TSHZ3: variants seen among roughly 807,000 people sequenced by gnomAD.
The protein encoded by TSHZ3 is teashirt zinc finger homeobox 3.
Under a neutral mutation model 64.5 loss-of-function variants are expected in TSHZ3, and 10 were observed. The ratio of observed to expected loss-of-function variants is 0.16; its 90% CI spans 0.10 to 0.26. The LOEUF (loss-of-function observed/expected upper bound fraction) is 0.26, where lower values mean the gene tolerates loss of function less well. TSHZ3 is among the 10% of genes least tolerant of loss of function. The pLI, the probability that TSHZ3 is intolerant of heterozygous loss-of-function variation, is 1.00. For synonymous variants in TSHZ3, 608 were observed against 593.1 expected (o/e 1.03, Z -0.36); for missense variants, 1,242 against 1,421.7 (o/e 0.87, Z 2.03).
chr19:31,159,341 A>G (rs1010476093), intron 5 of TSHZ3, among the ~76,000 whole-genome samples: 1 of 152,130 alleles, frequency 6.6e-6, no homozygotes, highest in Non-Finnish European at 1.5e-5. Flanking sequence ...ATTACAGATT[A>G]TCTAGATCAC....
intron 4 of TSHZ3, among the ~76,000 whole-genome samples, chr19:31,210,931 C>T (rs538334581): frequency 9.9e-5 from 15 of 151,978 alleles, no homozygotes; most frequent in Admixed American, 2.0e-4. Flanking sequence ...CAGATTTTAG[C>T]AATGTTTAAT....
intron 6 of TSHZ3, among the ~76,000 whole-genome samples, chr19:31,156,220 G>A (rs944834195): frequency 1.3e-5 from 2 of 152,182 alleles, no homozygotes; most frequent in Admixed American, 6.5e-5. Flanking sequence ...ATTCAATGAT[G>A]TATTATGAGT....
At chr19:31,195,064 G>T (rs903805534) in intron 5 of TSHZ3, among the ~76,000 whole-genome samples, 4 of 152,042 alleles carry the variant, frequency 2.6e-5, no homozygotes, top group Non-Finnish European at 5.9e-5. Context: ...AAAAAAATGG[G>T]GGGGAAGCAG....
At chr19:31,200,170 AAAACT>A (rs1430534723) in intron 5 of TSHZ3, among the ~76,000 whole-genome samples, 4 of 152,168 alleles carry the variant, frequency 2.6e-5, no homozygotes, top group Non-Finnish European at 5.9e-5. Context: ...ATTTTCTTAC[AAAACT>A]AAACACACTC....
In TSHZ3 at chr19:31,349,269, T is replaced by G. The variant is rs1468869067; in HGVS notation, c.-50A>C. 1.3e-6 allele frequency: 2 copies of G among 1,486,996 alleles called. No individual in the cohort carries two copies. The highest frequency in any genetic ancestry group is 1.7e-5 in the African/African-American group (1 of 57,910). The allele number at this position is 1,486,996 out of a possible 1,614,324, so 92.1% of individuals were successfully genotyped here. A position where few individuals can be genotyped will look rare whatever the true frequency, so the allele number is the denominator to read the frequency against. On this transcript the variant is annotated 5_prime_UTR_variant, in exon 1 of 2. Coordinates refer to ENST00000240587, the MANE Select transcript of TSHZ3 (RefSeq NM_020856.4). ...GCCGCCGCCGCCGCCGCTGCCGGGCTGAGGACAGGGAGGGAGGGGGCGGCG... is the reference window on the plus strand; with the variant it reads ...GCCGCCGCCGCCGCCGCTGCCGGGCGGAGGACAGGGAGGGAGGGGGCGGCG...
downstream of TSHZ3, among the ~76,000 whole-genome samples, chr19:31,271,146 C>G (rs1976130583): frequency 6.6e-6 from 1 of 152,144 alleles, no homozygotes; most frequent in Admixed American, 6.5e-5. Flanking sequence ...CGCTAACCAA[C>G]AATTTGGCTA....
In TSHZ3 at chr19:31,325,268, T is replaced by C. The variant is rs1916901218; in HGVS notation, c.40+23912A>G. Among the ~76,000 whole-genome samples the C allele has an allele frequency of 2.0e-5, 3 of 152,190 alleles. No individual in the cohort carries two copies. The South Asian group carries it at 6.2e-4, about 32-fold the overall frequency. ...TCACTGGTCGGGACCGGCCAGGGAA[T>C]GACATGTGAACTTAGGCTGGTCTCA... On this transcript the variant is annotated intron_variant, in intron 1 of 1. Transcript: ENST00000240587.
intron 1 of TSHZ3, among the ~76,000 whole-genome samples, chr19:31,308,126 A>G (rs1916350981): frequency 6.6e-6 from 1 of 152,014 alleles, no homozygotes; most frequent in Non-Finnish European, 1.5e-5. Context: ...GCAGAATTGA[A>G]ATCCCTAATG....
At chr19:31,269,855 G>A (rs1329369921) in intron 1 of TSHZ3, among the ~76,000 whole-genome samples, 1 of 152,240 alleles carries the variant, frequency 6.6e-6, no homozygotes, top group Non-Finnish European at 1.5e-5. Context: ...GGCCAGGACA[G>A]AGGCCTAATG....
At chr19:31,181,319 G>A (rs1006415086) in intron 5 of TSHZ3, among the ~76,000 whole-genome samples, 42 of 152,138 alleles carry the variant, frequency 2.8e-4, no homozygotes, top group Non-Finnish European at 5.9e-4. Context: ...GATTGGCAGG[G>A]ACCTCAGCAA....
intron 6 of TSHZ3, among the ~76,000 whole-genome samples, chr19:31,153,829 A>C (rs1463256344): frequency 6.6e-6 from 1 of 152,196 alleles, no homozygotes; most frequent in African/African-American, 2.4e-5. Flanking sequence ...GTGTTGACAT[A>C]ATTCATTTAA....
intron 1 of TSHZ3, among the ~76,000 whole-genome samples, chr19:31,293,669 A>G (rs1478061155): frequency 6.6e-6 from 1 of 152,256 alleles, no homozygotes; most frequent in African/African-American, 2.4e-5. Flanking sequence ...CTACAGAAAT[A>G]TAAGAAATTA....
chr19:31,193,633 T>C (rs1974944798), intron 5 of TSHZ3, among the ~76,000 whole-genome samples: 1 of 152,204 alleles, frequency 6.6e-6, no homozygotes, highest in Admixed American at 6.5e-5. Flanking sequence ...ATAGGTAACA[T>C]TGTGAGAATC....
chr19:31,348,567 G>T (rs750313465), intron 1 of TSHZ3, among the ~76,000 whole-genome samples: 10 of 151,902 alleles, frequency 6.6e-5, no homozygotes, highest in Non-Finnish European at 1.5e-4. Context: ...CAAGGAGGGG[G>T]TGGGGGCGAG....
chr19:31,297,706 T>C (rs1246599263), intron 1 of TSHZ3, among the ~76,000 whole-genome samples: 2 of 152,080 alleles, frequency 1.3e-5, no homozygotes, highest in Non-Finnish European at 2.9e-5. Context: ...GGCCTTCAAC[T>C]CCTCAGCCCC....
intron 1 of TSHZ3, among the ~76,000 whole-genome samples, chr19:31,314,618 T>C (rs1028930968): frequency 1.8e-4 from 27 of 152,350 alleles, no homozygotes; most frequent in African/African-American, 6.0e-4. Flanking sequence ...GATTCGTATT[T>C]TGCAATAGAT....
intron 6 of TSHZ3, among the ~76,000 whole-genome samples, chr19:31,152,932 A>C (rs1038612426): frequency 2.0e-5 from 3 of 152,236 alleles, no homozygotes; most frequent in Non-Finnish European, 4.4e-5. Flanking sequence ...AAGTATTCAG[A>C]TGGATATTTT....
intron 1 of TSHZ3, among the ~76,000 whole-genome samples, chr19:31,316,060 C>T (rs549856728): frequency 5.9e-5 from 9 of 152,148 alleles, no homozygotes; most frequent in Non-Finnish European, 8.8e-5. Flanking sequence ...ACTTGCACTT[C>T]GGGTGGGTGT....
chr19:31,211,370 C>G (rs563574405), intron 4 of TSHZ3, among the ~76,000 whole-genome samples: 18 of 152,282 alleles, frequency 1.2e-4, no homozygotes, highest in African/African-American at 4.3e-4. Flanking sequence ...TCAAGCAACT[C>G]ATAGTCTAAT....
Sources: gnomAD v4.1 joint callset for allele counts (sites outside exome capture counted in the v4.1 genomes callset) on GRCh38, gnomAD v4.1.1 for gene constraint, MANE v1.5 for transcripts, NCBI Gene and HGNC (gene_info 2026-07-23, HGNC 2026-07-21) for gene names.